KIAA0586: variants seen among roughly 807,000 people sequenced by gnomAD.
The protein encoded by KIAA0586 is protein TALPID3.
KIAA0586 carries 144 observed loss-of-function variants against 169.8 expected under a neutral mutation model. The ratio of observed to expected loss-of-function variants is 0.85; its 90% CI spans 0.74 to 0.97. The LOEUF (loss-of-function observed/expected upper bound fraction) is 0.97. Ranked by LOEUF, KIAA0586 falls within the 50% of genes least tolerant of loss-of-function variation. KIAA0586 has a pLI of 0.00. For missense variants in KIAA0586, 1,854 were observed against 1,823.0 expected (o/e 1.02, Z -0.31); for synonymous variants, 625 against 612.4 (o/e 1.02, Z -0.30).
At position 58,448,363 on chromosome 14, in the gene KIAA0586, C is replaced by T. The variant is rs780520735; in HGVS notation, c.831C>T (p.Leu277=). 8.8e-6 allele frequency: 14 copies of T among 1,597,820 alleles called. No homozygotes were observed. Among genetic ancestry groups the T allele is most frequent in the Non-Finnish European group, 1.2e-5 (14 of 1,167,584 alleles). ...AGACTCATTTTATTAGTGCTGCACT[C>T]AAGACTAGTAGTTTTCAGCCTGTTA... is the stretch of plus-strand genomic sequence containing the variant. The part of the protein sequence containing the change: ...DIQTHFISAA[L]KTSSFQPVSM... Residue 277 remains leucine, a synonymous_variant, in exon 7 of 31, where the codon CTC becomes CTT. Transcript: ENST00000652326.
chr14:58,547,499 C>T (rs1425062445), intron 30 of KIAA0586, among the ~76,000 whole-genome samples: 3 of 152,056 alleles, frequency 2.0e-5, no homozygotes, highest in African/African-American at 4.8e-5. Context: ...GCCCTTAACC[C>T]GTTACATTTG....
the KIAA0586 span, among the ~76,000 whole-genome samples, chr14:58,560,466 T>C: frequency 6.6e-6 from 1 of 152,236 alleles, no homozygotes; most frequent in Non-Finnish European, 1.5e-5. Flanking sequence ...ATATGATGTC[T>C]TACTTCACAG....
chr14:58,555,421 G>A (rs1345942906), downstream of KIAA0586, among the ~76,000 whole-genome samples: 5 of 151,938 alleles, frequency 3.3e-5, no homozygotes, highest in Non-Finnish European at 7.4e-5. Context: ...TTTTCATCAA[G>A]GAACAGGTTC....
At chr14:58,518,267 C>T (rs1034989029) in intron 29 of KIAA0586, among the ~76,000 whole-genome samples, 1 of 152,098 alleles carries the variant, frequency 6.6e-6, no homozygotes, top group Non-Finnish European at 1.5e-5. Flanking sequence ...TTTACTCTTA[C>T]ATCTTTTTCT....
At chr14:58,451,694 CT>C (rs1198834478) in intron 8 of KIAA0586, among the ~76,000 whole-genome samples, 6 of 151,960 alleles carry the variant, frequency 3.9e-5, no homozygotes, top group African/African-American at 1.4e-4. Flanking sequence ...AATATATGAA[CT>C]TTTTTTGAGA....
At chr14:58,541,156 T>G (rs549484376) in intron 30 of KIAA0586, among the ~76,000 whole-genome samples, 16 of 152,350 alleles carry the variant, frequency 1.1e-4, no homozygotes, top group African/African-American at 3.8e-4. Context: ...AAGCAAGCTG[T>G]TAGCAAAGAG....
At chr14:58,447,694 TG>T (rs2039018374) in intron 6 of KIAA0586, among the ~76,000 whole-genome samples, 2 of 152,062 alleles carry the variant, frequency 1.3e-5, no homozygotes. Flanking sequence ...TTGGCCAGAC[TG>T]GCCTCGAACT....
intron 27 of KIAA0586, among the ~76,000 whole-genome samples, chr14:58,500,795 C>CA (rs897988212): frequency 6.0e-5 from 9 of 150,268 alleles, no homozygotes; most frequent in Admixed American, 1.3e-4. Context: ...GTGAAATCAC[C>CA]AAAAAAAAGG....
chr14:58,555,574 T>A (rs140971446), downstream of KIAA0586, among the ~76,000 whole-genome samples: 62 of 152,360 alleles, frequency 4.1e-4, no homozygotes, highest in East Asian at 4.4e-3. Context: ...TGGGTTATGT[T>A]AGTTATAGAT....
At chr14:58,499,021 A>G (rs1422988670) in intron 27 of KIAA0586, 61 bp downstream of exon 27, 1 of 1,395,360 alleles carries the variant, frequency 7.2e-7, no homozygotes, top group Non-Finnish European at 9.6e-7. Context: ...TGAGTTGAGG[A>G]AAGTATACCT....
At chr14:58,483,108 A>C (rs576168656) in intron 21 of KIAA0586, among the ~76,000 whole-genome samples, 1 of 152,206 alleles carries the variant, frequency 6.6e-6, no homozygotes, top group African/African-American at 2.4e-5. Context: ...CAATCCTTGC[A>C]TACTCGACTC....
At chr14:58,430,961 G>C (rs1301985846) in intron 3 of KIAA0586, among the ~76,000 whole-genome samples, 3 of 151,976 alleles carry the variant, frequency 2.0e-5, no homozygotes, top group African/African-American at 7.3e-5. Flanking sequence ...GACTACCCTA[G>C]GTACGTTATA....
intron 26 of KIAA0586, among the ~76,000 whole-genome samples, chr14:58,494,455 G>C (rs1215274123): frequency 6.6e-6 from 1 of 151,072 alleles, no homozygotes; most frequent in Non-Finnish European, 1.5e-5. Flanking sequence ...GACTCCTCAG[G>C]TATCTGGTTC....
rs996219822 is a variant in KIAA0586 at position 58,498,891 on chromosome 14, A to C, written c.4099A>C (p.Thr1367Pro). 1.2e-6 allele frequency: 2 copies of C among 1,612,780 alleles called. No homozygotes were observed. Among genetic ancestry groups the C allele is most frequent in the African/African-American group, 1.3e-5 (1 of 75,054 alleles). ...GHSLYMQPPV[T>P]NTQSLDQQCD... ...TTCTCTCTATATGCAGCCACCTGTCACTAATACACAGTCTTTGGATCAACA... is the reference window on the plus strand; with the variant it reads ...TTCTCTCTATATGCAGCCACCTGTCCCTAATACACAGTCTTTGGATCAACA... The change falls in exon 27 of 31, where the codon ACT (threonine) becomes CCT (proline). Residue 1367 changes from threonine to proline, a missense_variant. Physicochemically the swap from Thr to Pro is conservative, Grantham distance 38 (BLOSUM62 -1). Transcript: ENST00000652326.
At chr14:58,466,089 T>G in intron 15 of KIAA0586, 60 bp downstream of exon 15, 1 of 1,310,980 alleles carries the variant, frequency 7.6e-7, no homozygotes, top group Admixed American at 2.0e-5. Context: ...TGTTTGTTTG[T>G]GTGTTTATTA....
intron 19 of KIAA0586, among the ~76,000 whole-genome samples, chr14:58,475,299 G>C (rs1423613604): frequency 6.6e-6 from 1 of 152,174 alleles, no homozygotes; most frequent in Non-Finnish European, 1.5e-5. Flanking sequence ...GCATGTGAGG[G>C]ATCTAGGTTG....
At chr14:58,518,263 CTT>C (rs1491242735) in intron 29 of KIAA0586, among the ~76,000 whole-genome samples, 1 of 152,064 alleles carries the variant, frequency 6.6e-6, no homozygotes, top group African/African-American at 2.4e-5. Context: ...TTTATTTACT[CTT>C]ACATCTTTTT....
chr14:58,433,583 A>G (rs1043720409), intron 4 of KIAA0586, among the ~76,000 whole-genome samples: 1 of 152,182 alleles, frequency 6.6e-6, no homozygotes, highest in African/African-American at 2.4e-5. Flanking sequence ...TAGATATCTG[A>G]TTTTATCTCT....
intron 22 of KIAA0586, among the ~76,000 whole-genome samples, chr14:58,487,587 GGGAGT>G (rs2042548901): frequency 6.6e-6 from 1 of 151,806 alleles, no homozygotes; most frequent in African/African-American, 2.4e-5. Context: ...CCCTGGGCAA[GGGAGT>G]GAGACTCCGT....
Sources: allele counts gnomAD v4.1 joint callset (sites outside exome capture counted in the v4.1 genomes callset), GRCh38; gene constraint gnomAD v4.1.1; transcripts MANE v1.5; gene names NCBI Gene and HGNC (gene_info 2026-07-23, HGNC 2026-07-21).